GPC5: variants seen among roughly 807,000 people sequenced by gnomAD.
GPC5 encodes the protein glypican 5, also known as glypican-5.
A neutral mutation model predicts 53.9 loss-of-function variants in GPC5; 47 were observed. The observed-to-expected ratio is 0.87, with a 90% CI of 0.69 to 1.11. The LOEUF (loss-of-function observed/expected upper bound fraction) is 1.11, where lower values mean the gene tolerates loss of function less well. Ranked by LOEUF, GPC5 falls within the 50% of genes most tolerant of loss-of-function variation. The pLI is 0.00. For synonymous variants in GPC5, 286 were observed against 263.3 expected (o/e 1.09, Z -0.84); for missense variants, 748 against 713.1 (o/e 1.05, Z -0.56).
chr13:92,830,853 T>C (rs550064747), intron 7 of GPC5, among the ~76,000 whole-genome samples: 1 of 152,226 alleles, frequency 6.6e-6, no homozygotes, highest in Non-Finnish European at 1.5e-5. Context: ...TTAGGGTAAA[T>C]TGGAAAAGAG....
chr13:91,556,793 A>G (rs2030982017), intron 2 of GPC5, among the ~76,000 whole-genome samples: 1 of 151,926 alleles, frequency 6.6e-6, no homozygotes, highest in African/African-American at 2.4e-5. Flanking sequence ...CATAAGAATG[A>G]TACAGTGGAT....
In GPC5 at chr13:92,166,956, T is replaced by TCTCA. The variant is rs1415930136; in HGVS notation, c.1561+21968_1561+21969insTCAC. On this transcript the variant is annotated intron_variant, in intron 7 of 7. Coordinates refer to ENST00000377067, the MANE Select transcript of GPC5 (RefSeq NM_004466.6). The stretch of plus-strand genomic sequence containing the variant: ...CTCTCTCTCTCTCTCTCTCTCTCTC[T>TCTCA]CACACACACACACACACACACACAC... Among the ~76,000 whole-genome samples, 60 of 84,810 alleles carry TCTCA rather than the reference T, an allele frequency of 7.1e-4. 1 individual carries two copies. Among genetic ancestry groups the TCTCA allele is most frequent in the Middle Eastern group, 0.014 (2 of 144 alleles). 55.6% of individuals were successfully genotyped at this position (84,810 alleles called of 152,430 possible).
intron 7 of GPC5, among the ~76,000 whole-genome samples, chr13:92,546,811 A>C (rs944308004): frequency 2.0e-5 from 3 of 152,214 alleles, no homozygotes; most frequent in Non-Finnish European, 4.4e-5. Flanking sequence ...TACTGCTACC[A>C]AAACAGAGAT....
intron 7 of GPC5, among the ~76,000 whole-genome samples, chr13:92,632,464 A>G: frequency 9.9e-6 from 1 of 101,300 alleles, no homozygotes; most frequent in Non-Finnish European, 2.0e-5. Context: ...AATATTCCAC[A>G]TATATATATA....
At chr13:92,616,261 T>C (rs1389035652) in intron 7 of GPC5, among the ~76,000 whole-genome samples, 3 of 152,210 alleles carry the variant, frequency 2.0e-5, no homozygotes, top group African/African-American at 7.2e-5. Context: ...CATTTTAATA[T>C]AAAAATTTAT....
intron 7 of GPC5, among the ~76,000 whole-genome samples, chr13:92,842,121 T>G (rs1364897986): frequency 6.6e-6 from 1 of 152,156 alleles, no homozygotes; most frequent in East Asian, 1.9e-4. Flanking sequence ...ACACTGAAAT[T>G]ACTTTCACAT....
At chr13:92,759,255 G>A (rs1437401831) in intron 7 of GPC5, among the ~76,000 whole-genome samples, 1 of 151,430 alleles carries the variant, frequency 6.6e-6, no homozygotes, top group African/African-American at 2.4e-5. Flanking sequence ...CAAATTATTG[G>A]ATTGTTTTAT....
chr13:92,459,401 A>C (rs945192721), intron 7 of GPC5, among the ~76,000 whole-genome samples: 2 of 152,186 alleles, frequency 1.3e-5, no homozygotes, highest in Admixed American at 1.3e-4. Context: ...TCTGATTATG[A>C]ATTTAAATCT....
intron 7 of GPC5, among the ~76,000 whole-genome samples, chr13:92,295,406 A>T (rs897112252): frequency 9.6e-4 from 146 of 152,206 alleles, no homozygotes; most frequent in African/African-American, 3.3e-3. Flanking sequence ...TCAATTTTTT[A>T]AAATTTATTG....
intron 4 of GPC5, among the ~76,000 whole-genome samples, chr13:91,744,579 G>C (rs1242461867): frequency 6.6e-6 from 1 of 152,102 alleles, no homozygotes; most frequent in South Asian, 2.1e-4. Flanking sequence ...AGGTAAACAG[G>C]AATATCTGAT....
chr13:92,190,781 A>G (rs1197890669), intron 7 of GPC5, among the ~76,000 whole-genome samples: 2 of 152,156 alleles, frequency 1.3e-5, no homozygotes, highest in African/African-American at 2.4e-5. Flanking sequence ...TAAAACCACA[A>G]AAGGCAGAAG....
In GPC5 at chr13:91,578,576, T is replaced by G. The variant is rs142597440; in HGVS notation, c.326-114611T>G. 9.2e-5 allele frequency among the ~76,000 whole-genome samples: 14 copies of G among 152,252 alleles called. No homozygotes were observed. The East Asian group carries it at 2.3e-3, about 25-fold the overall frequency. On this transcript the variant is annotated intron_variant, in intron 2 of 7. Transcript: ENST00000377067. ...ATGCAGTCCCTGTGTTTTAGGATGA[T>G]GAAATTTTCATCTATAATCGCCTTT...
At chr13:92,719,780 G>T (rs1286181510) in intron 7 of GPC5, 1 of 152,078 alleles carries the variant, frequency 6.6e-6, no homozygotes, top group Non-Finnish European at 1.5e-5. Flanking sequence ...AAAAATTAAA[G>T]CCTTAGTAAG....
At chr13:92,191,307 A>G (rs956647696) in intron 7 of GPC5, among the ~76,000 whole-genome samples, 3 of 152,182 alleles carry the variant, frequency 2.0e-5, no homozygotes, top group African/African-American at 4.8e-5. Flanking sequence ...TTAAGAAATT[A>G]CAAATTTTAA....
chr13:92,381,962 G>GTATGTATGTATGTATC (rs1555331686), intron 7 of GPC5, among the ~76,000 whole-genome samples: 1 of 126,288 alleles, frequency 7.9e-6, no homozygotes, highest in African/African-American at 2.8e-5. Context: ...ATGTATGTAT[G>GTATGTATGTATGTATC]TATCTATCTA....
chr13:92,627,191 G>A (rs1008022792), intron 7 of GPC5, among the ~76,000 whole-genome samples: 1 of 152,130 alleles, frequency 6.6e-6, no homozygotes, highest in African/African-American at 2.4e-5. Context: ...GAATTATCTT[G>A]TCAGACTATT....
chr13:91,874,478 T>A (rs879940691), intron 5 of GPC5, among the ~76,000 whole-genome samples: 1 of 152,204 alleles, frequency 6.6e-6, no homozygotes, highest in Non-Finnish European at 1.5e-5. Flanking sequence ...TGTCTATGTA[T>A]ATGTCTATTG....
At chr13:92,312,681 G>A (rs1181545098) in intron 7 of GPC5, among the ~76,000 whole-genome samples, 1 of 152,004 alleles carries the variant, frequency 6.6e-6, no homozygotes, top group Non-Finnish European at 1.5e-5. Context: ...ATATTAAAGT[G>A]GCATGGACAT....
intron 7 of GPC5, among the ~76,000 whole-genome samples, chr13:92,632,630 T>C (rs1055717331): frequency 9.9e-5 from 15 of 152,006 alleles, no homozygotes; most frequent in African/African-American, 3.4e-4. Context: ...TGTATTTATA[T>C]CAGATAAAAT....
Sources: allele counts gnomAD v4.1 joint callset (sites outside exome capture counted in the v4.1 genomes callset), GRCh38; gene constraint gnomAD v4.1.1; transcripts MANE v1.5; gene names NCBI Gene and HGNC (gene_info 2026-07-23, HGNC 2026-07-21).